SRPRB: variants seen among roughly 807,000 people sequenced by gnomAD.
The protein encoded by SRPRB is SRP receptor subunit beta.
Under a neutral mutation model 31.9 loss-of-function variants are expected in SRPRB, and 20 were observed. That is an observed-to-expected ratio of 0.63 (90% CI 0.44 to 0.91). SRPRB has a LOEUF of 0.91. Ranked by LOEUF, SRPRB falls within the 40% of genes least tolerant of loss-of-function variation. The probability of loss-of-function intolerance (pLI) is 0.00; values close to 1 mark genes in which losing one functional copy is unlikely to be tolerated. For missense variants in SRPRB, 321 were observed against 324.9 expected (o/e 0.99, Z 0.09); for synonymous variants, 146 against 132.8 (o/e 1.10, Z -0.68).
intron 1 of SRPRB, 128 bp downstream of exon 1, chr3:133,806,130 C>G: frequency 8.6e-7 from 1 of 1,160,382 alleles, no homozygotes; most frequent in Non-Finnish European, 1.2e-6. Flanking sequence ...TGAGACCCAC[C>G]CAGTCTACAC....
chr3:133,811,282 T>G, intron 4 of SRPRB, 83 bp downstream of exon 4: 5 of 1,435,496 alleles, frequency 3.5e-6, no homozygotes, highest in Non-Finnish European at 4.9e-6. Context: ...TCTGGTGGTG[T>G]TTGGGAGGCA....
At chr3:133,824,278 T>TGAG (rs1935520508), downstream of SRPRB, 1 of 152,232 alleles carries the variant, frequency 6.6e-6, no homozygotes, top group Non-Finnish European at 1.5e-5. Context: ...ACCAACATGC[T>TGAG]GAGTCTTTTC....
intron 1 of SRPRB, among the ~76,000 whole-genome samples, chr3:133,798,730 T>TA (rs2107962269): frequency 6.6e-6 from 1 of 152,250 alleles, no homozygotes; most frequent in South Asian, 2.1e-4. Context: ...CTCAATCCCA[T>TA]AAATTTGGAT....
upstream of SRPRB, among the ~76,000 whole-genome samples, chr3:133,805,128 T>G (rs572514341): frequency 6.6e-6 from 1 of 152,286 alleles, no homozygotes; most frequent in South Asian, 2.1e-4. Flanking sequence ...CAGAAATACC[T>G]CCTGCAGTTT....
Position 133,819,691 on chromosome 3 carries a change from T to C in SRPRB, c.741T>C (p.Ser247=), listed in dbSNP as rs1935434279. 1 of 1,613,950 alleles carries C rather than the reference T, an allele frequency of 6.2e-7. No homozygotes were observed. Among genetic ancestry groups the C allele is most frequent in the Admixed American group, 1.7e-5 (1 of 59,990 alleles). ...TCAAAGTGGAGTTCCTGGAGTGCAG[T>C]GCCAAGGGTGGAAGAGGGGACGTGG... is the stretch of plus-strand genomic sequence containing the variant. The part of the protein sequence containing the change: ...LPLKVEFLEC[S]AKGGRGDVGS... The change falls in exon 7 of 7, where the codon AGT becomes AGC. Residue 247 remains serine (S), a synonymous_variant. Coordinates refer to ENST00000678299, the MANE Select transcript of SRPRB (RefSeq NM_001379313.1).
intron 1 of SRPRB, among the ~76,000 whole-genome samples, chr3:133,796,985 G>A (rs947241686): frequency 6.6e-6 from 1 of 152,172 alleles, no homozygotes; most frequent in African/African-American, 2.4e-5. Context: ...ACAATTGACT[G>A]TTGTCCCTTA....
downstream of SRPRB, among the ~76,000 whole-genome samples, chr3:133,823,914 A>G (rs532774242): frequency 2.0e-4 from 31 of 152,180 alleles, no homozygotes; most frequent in Non-Finnish European, 3.8e-4. Context: ...AGCCATGGCA[A>G]GCAGAGTGGG....
intron 1 of SRPRB, chr3:133,784,470 AAAATAAT>A (rs1472331548): frequency 2.1e-5 from 2 of 96,298 alleles, no homozygotes; most frequent in African/African-American, 4.5e-5. Flanking sequence ...ATTTGTTAAA[AAAATAAT>A]AATAATAATA....
downstream of SRPRB, among the ~76,000 whole-genome samples, chr3:133,822,056 CTCAGGTGGTGCCCTTTTGT>C (rs969133956): frequency 2.2e-4 from 34 of 152,290 alleles, no homozygotes; most frequent in African/African-American, 6.7e-4. Flanking sequence ...GCTCTCTCCA[CTCAGGTGGTGCCCTTTTGT>C]GGCCCTGAGG....
intron 3 of SRPRB, chr3:133,810,454 G>C (rs895982803): frequency 6.6e-6 from 1 of 152,176 alleles, no homozygotes; most frequent in African/African-American, 2.4e-5. Context: ...CTTATATTCA[G>C]GAATGGCAGC....
chr3:133,800,390 CAAGT>C lies in SRPRB; in HGVS notation c.-173-5285_-173-5282del, dbSNP rs1227145050. Reference sequence around the variant, plus strand: ...TGAATAAGCTTAGATATGGTGCAATCAAGTGAGTGAGTCAGCTCTGAAGTGGAGC... The same window carrying C: ...TGAATAAGCTTAGATATGGTGCAATCGAGTGAGTCAGCTCTGAAGTGGAGC... On this transcript the variant is annotated intron_variant, in intron 1 of 7. Transcript: ENST00000466490. Among the ~76,000 whole-genome samples, 4 of 152,296 alleles carry C rather than the reference CAAGT, an allele frequency of 2.6e-5. No individual in the cohort carries two copies. In the East Asian group the frequency reaches 5.8e-4, roughly 22 times the overall value.
At chr3:133,808,675 G>T (rs1240104765) in intron 3 of SRPRB, among the ~76,000 whole-genome samples, 3 of 151,924 alleles carry the variant, frequency 2.0e-5, no homozygotes, top group Non-Finnish European at 4.4e-5. Context: ...CCGATCACTT[G>T]AGGTCAGGAG....
chr3:133,827,996 T>C (rs1306158127), downstream of SRPRB: 3 of 702,758 alleles, frequency 4.3e-6, no homozygotes, highest in South Asian at 4.4e-5. Flanking sequence ...CTCGTCCTTC[T>C]GATGGCCTCT....
chr3:133,815,419 C>T (rs937156872), intron 4 of SRPRB, among the ~76,000 whole-genome samples, 171 bp from the exon 5 acceptor site: 1 of 151,934 alleles, frequency 6.6e-6, no homozygotes, highest in African/African-American at 2.4e-5. Flanking sequence ...CTCAATAGTT[C>T]CTTGTTAAAT....
At chr3:133,804,156 A>G (rs1935108827), upstream of SRPRB, among the ~76,000 whole-genome samples, 1 of 150,574 alleles carries the variant, frequency 6.6e-6, no homozygotes, top group Admixed American at 6.6e-5. Flanking sequence ...GAGTCTCACT[A>G]TGTTGCCCAG....
At chr3:133,823,034 A>T (rs1178417050), downstream of SRPRB, among the ~76,000 whole-genome samples, 1 of 152,240 alleles carries the variant, frequency 6.6e-6, no homozygotes, top group South Asian at 2.1e-4. Context: ...TCTGAGGTTA[A>T]GAAACGTGCC....
At chr3:133,794,953 T>C (rs1020283711) in intron 1 of SRPRB, 1 of 152,258 alleles carries the variant, frequency 6.6e-6, no homozygotes, top group Non-Finnish European at 1.5e-5. Flanking sequence ...AGGTCCTTTT[T>C]CCATGATTTG....
chr3:133,806,823 A>G (rs895487107), intron 2 of SRPRB, 120 bp downstream of exon 2: 4 of 747,672 alleles, frequency 5.3e-6, no homozygotes. Context: ...TTGGAAGTTA[A>G]TTCTTGACTT....
chr3:133,796,441 A>C (rs567384750), intron 1 of SRPRB: 2 of 152,444 alleles, frequency 1.3e-5, no homozygotes, highest in Admixed American at 1.3e-4. Flanking sequence ...GAACTAAATC[A>C]AATGGAAACA....
Sources: gnomAD v4.1 joint callset for allele counts (sites outside exome capture counted in the v4.1 genomes callset) on GRCh38, gnomAD v4.1.1 for gene constraint, MANE v1.5 for transcripts, NCBI Gene and HGNC (gene_info 2026-07-23, HGNC 2026-07-21) for gene names.